ATG10: variants seen among roughly 807,000 people sequenced by gnomAD.
ATG10 encodes autophagy related 10.
ATG10 carries 30 observed loss-of-function variants against 32.1 expected under a neutral mutation model. The observed-to-expected ratio is 0.94, with a 90% CI of 0.70 to 1.27. ATG10 has a LOEUF of 1.27. ATG10 is among the 50% of genes most tolerant of loss of function. ATG10 has a pLI of 0.00. For synonymous variants in ATG10, 87 were observed against 91.5 expected, an observed-to-expected ratio of 0.95 and a Z score of 0.28; for missense variants, 233 against 262.3, an observed-to-expected ratio of 0.89 and a Z score of 0.77.
At chr5:82,236,485 T>C (rs1415620847) in intron 5 of ATG10, among the ~76,000 whole-genome samples, 1 of 152,202 alleles carries the variant, frequency 6.6e-6, no homozygotes, top group Admixed American at 6.5e-5. Flanking sequence ...GAGTGGAGAC[T>C]GTCAGAAGCC....
At chr5:82,009,062 A>G (rs1455728971) in intron 2 of ATG10, among the ~76,000 whole-genome samples, 1 of 152,212 alleles carries the variant, frequency 6.6e-6, no homozygotes, top group Non-Finnish European at 1.5e-5. Flanking sequence ...ATTTAATGGC[A>G]TAATCTAAAC....
intron 3 of ATG10, among the ~76,000 whole-genome samples, chr5:82,123,536 A>C (rs1054310562): frequency 6.6e-6 from 1 of 152,036 alleles, no homozygotes; most frequent in African/African-American, 2.4e-5. Flanking sequence ...AAAAAAAAAA[A>C]AGCATAATTA....
intron 2 of ATG10, chr5:82,010,064 A>G (rs150928587): frequency 0.013 from 20,216 of 1,609,780 alleles, 157 homozygotes; most frequent in Non-Finnish European, 0.015. Context: ...CATCGACGGC[A>G]ATGTCGAAGA....
chr5:82,131,002 T>C (rs1766496358), intron 3 of ATG10, among the ~76,000 whole-genome samples: 1 of 152,090 alleles, frequency 6.6e-6, no homozygotes, highest in Admixed American at 6.5e-5. Flanking sequence ...TTTTCTCACT[T>C]ATAATTTGGA....
At chr5:82,190,483 A>G (rs1427580509) in intron 5 of ATG10, among the ~76,000 whole-genome samples, 1 of 151,958 alleles carries the variant, frequency 6.6e-6, no homozygotes, top group Non-Finnish European at 1.5e-5. Flanking sequence ...ATAGTTGTGT[A>G]GAATTCCGAC....
intron 2 of ATG10, among the ~76,000 whole-genome samples, chr5:81,993,455 G>C (rs1401620147): frequency 7.1e-6 from 1 of 141,836 alleles, no homozygotes; most frequent in Non-Finnish European, 1.5e-5. Context: ...TTGAGGCAGA[G>C]TCTCGCCCTG....
chr5:82,172,965 T>C (rs566943492), intron 4 of ATG10, among the ~76,000 whole-genome samples: 1 of 152,262 alleles, frequency 6.6e-6, no homozygotes, highest in Non-Finnish European at 1.5e-5. Context: ...TGGAGCTTCA[T>C]CTCTGCCTTA....
intron 5 of ATG10, among the ~76,000 whole-genome samples, chr5:82,233,403 T>C (rs1746439782): frequency 6.6e-6 from 1 of 152,214 alleles, no homozygotes; most frequent in South Asian, 2.1e-4. Context: ...AAAATAAAAA[T>C]TTCTGACTTC....
chr5:82,092,769 G>C (rs548774160), intron 3 of ATG10, among the ~76,000 whole-genome samples: 2 of 152,270 alleles, frequency 1.3e-5, no homozygotes, highest in East Asian at 3.9e-4. Context: ...AGATATTAGG[G>C]TGTGAATAAA....
At chr5:82,144,923 CTTCT>C (rs1277411764) in intron 3 of ATG10, among the ~76,000 whole-genome samples, 1 of 151,944 alleles carries the variant, frequency 6.6e-6, no homozygotes, top group Non-Finnish European at 1.5e-5. Flanking sequence ...TTGTCTATTT[CTTCT>C]TTTAGTTCTG....
intron 2 of ATG10, among the ~76,000 whole-genome samples, chr5:82,025,374 C>T (rs776216908): frequency 6.6e-6 from 1 of 152,144 alleles, no homozygotes; most frequent in African/African-American, 2.4e-5. Context: ...TTTGTAGCTA[C>T]TCTATGGGTT....
At chr5:82,056,657 C>T (rs903864192) in intron 2 of ATG10, among the ~76,000 whole-genome samples, 4 of 150,650 alleles carry the variant, frequency 2.7e-5, no homozygotes, top group South Asian at 2.1e-4. Flanking sequence ...TCTCTGGGGC[C>T]GGCAGTACTG....
chr5:82,229,039 G>A (rs1746244787), intron 5 of ATG10, among the ~76,000 whole-genome samples: 1 of 152,168 alleles, frequency 6.6e-6, no homozygotes, highest in Non-Finnish European at 1.5e-5. Context: ...CACAGAGAAG[G>A]TCAGTGTATA....
chr5:82,043,431 A>AT (rs1219695620), intron 2 of ATG10, among the ~76,000 whole-genome samples: 2 of 152,070 alleles, frequency 1.3e-5, no homozygotes, highest in Non-Finnish European at 2.9e-5. Flanking sequence ...CCCTGGAGAC[A>AT]TTTTTCCCCA....
chr5:82,089,333 ACT>A (rs1245647243), intron 3 of ATG10, among the ~76,000 whole-genome samples: 1 of 147,852 alleles, frequency 6.8e-6, no homozygotes, highest in African/African-American at 2.5e-5. Flanking sequence ...CAAGAGTGAA[ACT>A]CTGTCTCAAA....
At chr5:82,090,038 C>T (rs1402958865) in intron 3 of ATG10, among the ~76,000 whole-genome samples, 2 of 149,926 alleles carry the variant, frequency 1.3e-5, no homozygotes, top group African/African-American at 4.9e-5. Context: ...AATGAGATAT[C>T]ACTACACACC....
intron 1 of ATG10, among the ~76,000 whole-genome samples, chr5:81,981,563 G>A (rs189469889): frequency 1.3e-5 from 2 of 152,360 alleles, no homozygotes; most frequent in Admixed American, 1.3e-4. Context: ...TTGTTGCTAG[G>A]AGGGACAAGT....
intron 3 of ATG10, among the ~76,000 whole-genome samples, chr5:82,096,802 T>G (rs1241309872): frequency 6.6e-6 from 1 of 152,218 alleles, no homozygotes; most frequent in Non-Finnish European, 1.5e-5. Context: ...CATCAACTAG[T>G]AATTCCATAT....
At chr5:82,062,141 A>G (rs999655946) in intron 3 of ATG10, among the ~76,000 whole-genome samples, 1 of 152,086 alleles carries the variant, frequency 6.6e-6, no homozygotes, top group Non-Finnish European at 1.5e-5. Context: ...GAATTCTAAA[A>G]GAGTTTATTT....
Sources: gnomAD v4.1 joint callset for allele counts (sites outside exome capture counted in the v4.1 genomes callset) on GRCh38, gnomAD v4.1.1 for gene constraint, MANE v1.5 for transcripts, NCBI Gene and HGNC (gene_info 2026-07-23, HGNC 2026-07-21) for gene names.